The following SOBP variants were observed in gnomAD, a reference collection of about 807,000 sequenced individuals.
The protein encoded by SOBP is sine oculis-binding protein homolog.
Under a neutral mutation model 53.6 loss-of-function variants are expected in SOBP, and 4 were observed. That is an observed-to-expected ratio of 0.07 (90% CI 0.04 to 0.17). The LOEUF (loss-of-function observed/expected upper bound fraction) is 0.17. Ranked by LOEUF, SOBP falls within the 10% of genes least tolerant of loss-of-function variation. The probability of loss-of-function intolerance (pLI) is 1.00; values close to 1 mark genes in which losing one functional copy is unlikely to be tolerated. For missense variants in SOBP, 1,088 were observed against 1,204.7 expected (o/e 0.90, Z 1.43); for synonymous variants, 584 against 522.6 (o/e 1.12, Z -1.60).
intron 4 of SOBP, among the ~76,000 whole-genome samples, chr6:107,580,047 C>G (rs1785354266): frequency 6.6e-6 from 1 of 152,160 alleles, no homozygotes; most frequent in African/African-American, 2.4e-5. Context: ...TAAAACAGCA[C>G]CACTGCAGAA....
intron 6 of SOBP, among the ~76,000 whole-genome samples, chr6:107,650,988 C>A (rs1771779662): frequency 6.6e-6 from 1 of 152,178 alleles, no homozygotes; most frequent in Non-Finnish European, 1.5e-5. Flanking sequence ...CATGGCTAGG[C>A]ACAATGGCTC....
chr6:107,504,629 C>T (rs1346275150), intron 2 of SOBP, among the ~76,000 whole-genome samples: 1 of 152,194 alleles, frequency 6.6e-6, no homozygotes, highest in Admixed American at 6.5e-5. Flanking sequence ...GCAATTTGAT[C>T]AATATTTGCG....
Position 107,529,213 on chromosome 6 carries a change from T to A in SOBP, c.422-4246T>A, listed in dbSNP as rs73762235. 6.3e-3 allele frequency among the ~76,000 whole-genome samples: 965 copies of A among 152,354 alleles called. 15 individuals carry two copies. Among genetic ancestry groups the A allele is most frequent in the African/African-American group, 0.022 (923 of 41,582 alleles). The stretch of plus-strand genomic sequence containing the variant: ...AATTGAATTATTTCAAAAAGGAATT[T>A]CTTTTTTGCAGAAGTTATAAAGAAA... On this transcript the variant is annotated intron_variant, in intron 3 of 6. Coordinates refer to ENST00000317357, the MANE Select transcript of SOBP (RefSeq NM_018013.4).
chr6:107,536,124 TTAGG>T (rs1425058964), intron 4 of SOBP, among the ~76,000 whole-genome samples: 1 of 152,158 alleles, frequency 6.6e-6, no homozygotes, highest in African/African-American at 2.4e-5. Context: ...GAATTTTGCC[TTAGG>T]TATAGTGTAG....
intron 1 of SOBP, among the ~76,000 whole-genome samples, chr6:107,502,668 A>T (rs111250850): frequency 5.0e-4 from 76 of 152,342 alleles, no homozygotes; most frequent in African/African-American, 1.8e-3. Flanking sequence ...CTTTTATGTT[A>T]CTTGTCAGAA....
chr6:107,502,881 C>T (rs1360196884), intron 1 of SOBP, among the ~76,000 whole-genome samples: 2 of 152,096 alleles, frequency 1.3e-5, no homozygotes, highest in African/African-American at 4.8e-5. Flanking sequence ...CTGCCTCAGC[C>T]TCCCGAGTAG....
At chr6:107,545,165 AGATAAGTCACTTTTTGCGGG>A (rs1784260303) in intron 4 of SOBP, among the ~76,000 whole-genome samples, 1 of 152,224 alleles carries the variant, frequency 6.6e-6, no homozygotes, top group African/African-American at 2.4e-5. Context: ...AAGATAAATG[AGATAAGTCACTTTTTGCGGG>A]GAAGAGCCAC....
chr6:107,497,167 AT>A (rs1490823364), intron 1 of SOBP, among the ~76,000 whole-genome samples: 1 of 152,216 alleles, frequency 6.6e-6, no homozygotes, highest in African/African-American at 2.4e-5. Flanking sequence ...GAGATAAAAT[AT>A]TTTTCAGAAA....
chr6:107,531,628 AT>A (rs1202002604), intron 3 of SOBP, among the ~76,000 whole-genome samples: 1 of 151,942 alleles, frequency 6.6e-6, no homozygotes, highest in Non-Finnish European at 1.5e-5. Context: ...TTATTTTTAA[AT>A]TTTTTTTGTT....
In SOBP at chr6:107,633,685, C is replaced by A. The variant is rs1326224693; in HGVS notation, c.841C>A (p.Pro281Thr). The change falls in exon 6 of 7, where the codon CCT (proline) becomes ACT (threonine). Residue 281 changes from proline (P) to threonine (T), a missense_variant. Pro to Thr is a conservative substitution (Grantham distance 38). Coordinates refer to ENST00000317357, the MANE Select transcript of SOBP (RefSeq NM_018013.4). ...AGCTGGGCTGTGCAGCACATTACAC[C>A]CTCCCATGGAAAATAAAGCAGAAGG... ...LPAGLCSTLH[P>T]PMENKAEGTG... is the part of the protein sequence containing the mutation. The A allele has an allele frequency of 1.2e-6, 2 of 1,614,230 alleles. No homozygotes were observed. Among genetic ancestry groups the A allele is most frequent in the Middle Eastern group, 1.7e-4 (1 of 6,060 alleles).
intron 4 of SOBP, among the ~76,000 whole-genome samples, chr6:107,559,802 C>A (rs1253534570): frequency 6.6e-6 from 1 of 152,066 alleles, no homozygotes; most frequent in African/African-American, 2.4e-5. Context: ...TGATTAGTTT[C>A]TTTAATACAC....
intron 5 of SOBP, among the ~76,000 whole-genome samples, chr6:107,616,702 G>C (rs1321728395): frequency 6.6e-6 from 1 of 152,258 alleles, no homozygotes; most frequent in African/African-American, 2.4e-5. Flanking sequence ...GGCGCTCTCT[G>C]CGAGGGGCCG....
intron 6 of SOBP, among the ~76,000 whole-genome samples, chr6:107,652,057 G>A (rs546657420): frequency 1.3e-5 from 2 of 152,328 alleles, no homozygotes; most frequent in East Asian, 3.9e-4. Context: ...TTGTTTTCAT[G>A]CCTGCTAACA....
intron 5 of SOBP, among the ~76,000 whole-genome samples, chr6:107,610,796 GCACA>G (rs150127640): frequency 0.011 from 1,597 of 148,992 alleles, 5 homozygotes; most frequent in Middle Eastern, 0.028. Context: ...GTGTGCACAC[GCACA>G]CACACACACA....
At chr6:107,582,758 T>C (rs1221615649) in intron 4 of SOBP, among the ~76,000 whole-genome samples, 1 of 152,226 alleles carries the variant, frequency 6.6e-6, no homozygotes, top group Non-Finnish European at 1.5e-5. Flanking sequence ...AGTGCCTTGA[T>C]GTGCCTTCTT....
chr6:107,513,833 C>A (rs1442725219), intron 3 of SOBP: 1 of 152,302 alleles, frequency 6.6e-6, no homozygotes, highest in Admixed American at 6.6e-5. Context: ...AATGTGAGTA[C>A]TTAATAATGT....
intron 5 of SOBP, among the ~76,000 whole-genome samples, chr6:107,588,190 C>A (rs147518891): frequency 1.2e-4 from 18 of 152,330 alleles, no homozygotes; most frequent in African/African-American, 3.8e-4. Context: ...ATGTAACAGT[C>A]TTTGGATTTA....
At chr6:107,616,398 T>C (rs1205113712) in intron 5 of SOBP, among the ~76,000 whole-genome samples, 1 of 152,224 alleles carries the variant, frequency 6.6e-6, no homozygotes, top group African/African-American at 2.4e-5. Context: ...ATGCCATTGA[T>C]AGCACTGAAA....
At chr6:107,567,164 G>A (rs1200048702) in intron 4 of SOBP, among the ~76,000 whole-genome samples, 1 of 152,096 alleles carries the variant, frequency 6.6e-6, no homozygotes, top group Admixed American at 6.5e-5. Context: ...ATATAGTAAA[G>A]AAGGAAGGAA....
Sources: gnomAD v4.1 joint callset for allele counts (sites outside exome capture counted in the v4.1 genomes callset) on GRCh38, gnomAD v4.1.1 for gene constraint, MANE v1.5 for transcripts, NCBI Gene and HGNC (gene_info 2026-07-23, HGNC 2026-07-21) for gene names.